Variants in FAM135B observed in about 807,000 individuals in gnomAD.
FAM135B encodes the protein protein FAM135B.
A neutral mutation model predicts 127.7 loss-of-function variants in FAM135B; 43 were observed. The ratio of observed to expected loss-of-function variants is 0.34; its 90% CI spans 0.26 to 0.43. FAM135B has a LOEUF of 0.43. Among genes scored for constraint, FAM135B ranks in the 20% least tolerant of loss-of-function variants. The pLI is 1.00. For synonymous variants in FAM135B, 670 were observed against 665.1 expected (o/e 1.01, Z -0.11); for missense variants, 1,558 against 1,725.6 (o/e 0.90, Z 1.72).
chr8:138,259,658 G>T (rs1270694059), intron 4 of FAM135B, among the ~76,000 whole-genome samples: 1 of 152,120 alleles, frequency 6.6e-6, no homozygotes, highest in South Asian at 2.1e-4. Context: ...GTGATCGGAC[G>T]GCCCAGGTTC....
At chr8:138,298,958 G>C (rs1396232748) in intron 3 of FAM135B, among the ~76,000 whole-genome samples, 1 of 151,866 alleles carries the variant, frequency 6.6e-6, no homozygotes, top group Admixed American at 6.6e-5. Context: ...TACTCGGGAG[G>C]CTGAGGCACA....
intron 19 of FAM135B, among the ~76,000 whole-genome samples, chr8:138,135,140 C>T (rs1001542462): frequency 1.3e-5 from 2 of 152,116 alleles, no homozygotes; most frequent in African/African-American, 4.8e-5. Context: ...TTCAATAAAA[C>T]TTTATTTACA....
rs118096894 is a variant in FAM135B, at chr8:138,388,228, C to T, written c.-19-20226G>A. Among the ~76,000 whole-genome samples, 82 of 152,228 alleles carry T rather than the reference C, an allele frequency of 5.4e-4. No individual in the cohort carries two copies. In the East Asian group the frequency reaches 0.015, roughly 27 times the overall value. On this transcript the variant is annotated intron_variant, in intron 1 of 19. Transcript: ENST00000395297. ...ACATGTCGATTAGAAGTGCCAAAAT[C>T]CAGGAGACTAACAATACCAAATGAT...
At chr8:138,446,604 G>A (rs986966393) in intron 1 of FAM135B, among the ~76,000 whole-genome samples, 1 of 152,172 alleles carries the variant, frequency 6.6e-6, no homozygotes, top group East Asian at 1.9e-4. Context: ...CTAGCCATAT[G>A]TAGAAAGCTG....
intron 11 of FAM135B, among the ~76,000 whole-genome samples, chr8:138,175,043 T>A (rs1464862642): frequency 1.3e-5 from 2 of 152,180 alleles, no homozygotes; most frequent in East Asian, 1.9e-4. Flanking sequence ...CCTAAAAAAA[T>A]TAGATATAAG....
At chr8:138,489,302 A>G (rs559358051) in intron 1 of FAM135B, among the ~76,000 whole-genome samples, 2 of 152,270 alleles carry the variant, frequency 1.3e-5, no homozygotes, top group East Asian at 3.9e-4. Flanking sequence ...TAGGTCAGAA[A>G]ATGGAGCATC....
intron 3 of FAM135B, among the ~76,000 whole-genome samples, chr8:138,302,333 C>T (rs1194369878): frequency 6.6e-6 from 1 of 152,138 alleles, no homozygotes; most frequent in Non-Finnish European, 1.5e-5. Context: ...CCTTGTGCTA[C>T]ATCTCTGGAT....
chr8:138,173,402 T>G (rs1814103682), intron 11 of FAM135B, among the ~76,000 whole-genome samples: 1 of 152,118 alleles, frequency 6.6e-6, no homozygotes, highest in Non-Finnish European at 1.5e-5. Context: ...AGGTTATGAG[T>G]GTGGCCTCTG....
chr8:138,206,328 C>T (rs796724042), intron 7 of FAM135B, among the ~76,000 whole-genome samples: 23 of 125,330 alleles, frequency 1.8e-4, no homozygotes, highest in Middle Eastern at 4.1e-3. Context: ...GCTCTATCAT[C>T]CCCTCCACCT....
In FAM135B at chr8:138,178,485, A is replaced by G. The variant is rs201858050; in HGVS notation, c.1029+50T>C. 59 of 1,604,420 alleles carry G rather than the reference A, an allele frequency of 3.7e-5. No individual in the cohort carries two copies. In the African/African-American group the frequency reaches 5.2e-4, roughly 14 times the overall value. On this transcript the variant is annotated intron_variant, in intron 10 of 19. Coordinates refer to ENST00000395297, the MANE Select transcript of FAM135B (RefSeq NM_015912.4). ...TCTAATTCTCATAAAGGTTCCTCCA[A>G]AGAAATCAAATGCATGTGATCAGAG...
chr8:138,301,713 GA>G (rs1825900200), intron 3 of FAM135B, among the ~76,000 whole-genome samples: 1 of 152,182 alleles, frequency 6.6e-6, no homozygotes, highest in Non-Finnish European at 1.5e-5. Context: ...CCTCATGAAA[GA>G]TTAACTTATA....
intron 7 of FAM135B, among the ~76,000 whole-genome samples, chr8:138,210,027 A>G (rs6997079): frequency 0.73 from 110,524 of 152,032 alleles, 40,443 homozygotes; most frequent in East Asian, 0.83. Flanking sequence ...CAGATAAATA[A>G]GATTAATTAT....
intron 13 of FAM135B, among the ~76,000 whole-genome samples, chr8:138,150,503 A>G (rs1035283447): frequency 1.3e-5 from 2 of 152,142 alleles, no homozygotes; most frequent in African/African-American, 4.8e-5. Context: ...CCCCGTCTCT[A>G]CTAAAAGTAC....
chr8:138,372,946 C>A (rs140631402), intron 1 of FAM135B, among the ~76,000 whole-genome samples: 1 of 152,274 alleles, frequency 6.6e-6, no homozygotes, highest in African/African-American at 2.4e-5. Context: ...TGAGGTCCCA[C>A]TTTTCTGGCA....
intron 6 of FAM135B, among the ~76,000 whole-genome samples, chr8:138,249,847 G>A (rs1996030): frequency 0.3 from 45,276 of 152,104 alleles, 7,352 homozygotes; most frequent in East Asian, 0.62. Flanking sequence ...CATTGCACAC[G>A]TGGAACTTTT....
chr8:138,174,790 A>G (rs1310102176), intron 11 of FAM135B, among the ~76,000 whole-genome samples: 4 of 152,138 alleles, frequency 2.6e-5, no homozygotes, highest in Non-Finnish European at 5.9e-5. Flanking sequence ...GTGACAATTC[A>G]TGAACTAGGA....
In FAM135B at chr8:138,164,382, C is replaced by T. The variant is rs374833522; in HGVS notation, c.1258+3513G>A. 6.6e-5 allele frequency among the ~76,000 whole-genome samples: 10 copies of T among 152,218 alleles called. No homozygotes were observed. The East Asian group carries it at 1.2e-3, about 18-fold the overall frequency. On this transcript the variant is annotated intron_variant, in intron 12 of 19. Coordinates refer to ENST00000395297, the MANE Select transcript of FAM135B (RefSeq NM_015912.4). ...GAAGATGAGTGCACCTGCACTGTGC[C>T]GGAGTCCCAGCCTCAAGCTCAACAC...
chr8:138,212,599 C>T (rs1282408690), intron 7 of FAM135B, among the ~76,000 whole-genome samples: 1 of 152,200 alleles, frequency 6.6e-6, no homozygotes, highest in Non-Finnish European at 1.5e-5. Context: ...TTAATTAAGG[C>T]AACTGAAGTC....
rs116096651 is a variant in FAM135B, at chr8:138,177,535, C to A, written c.1030-115G>T. 1.9e-3 allele frequency: 1,686 copies of A among 903,224 alleles called. 18 individuals are homozygous for A. In the African/African-American group the frequency reaches 0.021, roughly 11 times the overall value. 56.0% of individuals were successfully genotyped at this position (903,224 alleles called of 1,614,324 possible). Reference sequence around the variant, plus strand: ...ATGATATTTCCTAATAGGAAGAGAGCCAGGCCCCTGACCTGAAGGTTCTGA... The same window carrying A: ...ATGATATTTCCTAATAGGAAGAGAGACAGGCCCCTGACCTGAAGGTTCTGA... On this transcript the variant is annotated intron_variant, in intron 10 of 19. Coordinates refer to ENST00000395297, the MANE Select transcript of FAM135B (RefSeq NM_015912.4).
Sources: gnomAD v4.1 joint callset for allele counts (sites outside exome capture counted in the v4.1 genomes callset) on GRCh38, gnomAD v4.1.1 for gene constraint, MANE v1.5 for transcripts, NCBI Gene and HGNC (gene_info 2026-07-23, HGNC 2026-07-21) for gene names.